Variants in RGSL1 observed in about 807,000 individuals in gnomAD.
RGSL1 encodes regulator of G protein signaling protein-like.
In RGSL1, 97 loss-of-function variants were observed where a neutral mutation model predicts 124.7. The ratio of observed to expected loss-of-function variants is 0.78; its 90% CI spans 0.66 to 0.92. The LOEUF (loss-of-function observed/expected upper bound fraction) is 0.92, where lower values mean the gene tolerates loss of function less well. Among genes scored for constraint, RGSL1 ranks in the 40% least tolerant of loss-of-function variants. The pLI is 0.00. For missense variants in RGSL1, 1,233 were observed against 1,288.4 expected (o/e 0.96, Z 0.66); for synonymous variants, 424 against 438.1 (o/e 0.97, Z 0.40).
At position 182,540,277 on chromosome 1, in the gene RGSL1, G is replaced by A. The variant is rs780175732; in HGVS notation, c.2525G>A (p.Arg842His). 7.7e-6 allele frequency: 12 copies of A among 1,550,912 alleles called. No homozygotes were observed. The highest frequency in any genetic ancestry group is 1.7e-4 in the Middle Eastern group (1 of 5,988). The change falls in exon 15 of 22, where the codon CGT becomes CAT. Residue 842 changes from arginine to histidine, a missense_variant. Transcript: ENST00000294854. ...NFTTAHNTSG[R>H]SAPPSTNVRS... ...ACCACAGCACACAACACATCGGGACGTTCAGCTCCACCCTCCACAAATGTC... is the reference window on the plus strand; with the variant it reads ...ACCACAGCACACAACACATCGGGACATTCAGCTCCACCCTCCACAAATGTC...
At chr1:182,534,492 C>A (rs1044274833) in intron 14 of RGSL1, among the ~76,000 whole-genome samples, 9 of 152,012 alleles carry the variant, frequency 5.9e-5, no homozygotes, top group African/African-American at 2.2e-4. Flanking sequence ...TTTGTATTAT[C>A]TTTTATGAAC....
chr1:182,551,712 C>T (rs187710333), intron 18 of RGSL1, among the ~76,000 whole-genome samples: 395 of 150,756 alleles, frequency 2.6e-3, no homozygotes, highest in African/African-American at 8.4e-3. Context: ...TGTAAAAATT[C>T]GTAAAAAATA....
intron 9 of RGSL1, among the ~76,000 whole-genome samples, chr1:182,515,540 TAA>T (rs1418362559): frequency 1.5e-3 from 53 of 35,600 alleles, no homozygotes; most frequent in African/African-American, 5.4e-3. Flanking sequence ...CAGTTTAAAG[TAA>T]AAAAAAAAAA....
At chr1:182,454,159 T>A in intron 2 of RGSL1, 119 bp downstream of exon 2, 1 of 647,540 alleles carries the variant, frequency 1.5e-6, no homozygotes, top group Non-Finnish European at 2.7e-6. Flanking sequence ...AAATGTCTTC[T>A]TAAATAAAAA....
intron 6 of RGSL1, among the ~76,000 whole-genome samples, chr1:182,478,667 A>C (rs1423307945): frequency 1.3e-5 from 2 of 152,186 alleles, no homozygotes; most frequent in African/African-American, 4.8e-5. Context: ...AGGGATAGAA[A>C]GCTTATTTAA....
intron 14 of RGSL1, among the ~76,000 whole-genome samples, chr1:182,536,650 C>T (rs266527): frequency 0.39 from 58,646 of 152,066 alleles, 12,880 homozygotes; most frequent in Non-Finnish European, 0.5. Context: ...GAGGTTTTAA[C>T]GGACTCACAG....
chr1:182,487,466 G>C (rs1256326059), intron 6 of RGSL1, among the ~76,000 whole-genome samples: 1 of 152,104 alleles, frequency 6.6e-6, no homozygotes, highest in African/African-American at 2.4e-5. Flanking sequence ...TTCCTATCCC[G>C]ATGCCTTTGC....
chr1:182,488,255 C>T (rs1360973595), intron 6 of RGSL1, 30 bp from the exon 7 acceptor site: 1 of 1,548,522 alleles, frequency 6.5e-7, no homozygotes, highest in African/African-American at 1.4e-5. Flanking sequence ...CCATCCACCT[C>T]ATAATGCATA....
chr1:182,465,660 A>C (rs1441569659), intron 4 of RGSL1, among the ~76,000 whole-genome samples: 1 of 152,140 alleles, frequency 6.6e-6, no homozygotes, highest in Non-Finnish European at 1.5e-5. Context: ...AGAGATTAAA[A>C]CAGTAATCTA....
chr1:182,549,033 TGA>T lies in RGSL1; in HGVS notation c.2933+213_2933+214del, dbSNP rs529470916. ...CCACAGATGGAAGGCAGAGTAAGAC[TGA>T]GAGCCAAACGCCTGGTTTCCCACCC... On this transcript the variant is annotated intron_variant, in intron 17 of 21. Coordinates refer to ENST00000294854, the MANE Select transcript of RGSL1 (RefSeq NM_001137669.2). The T allele has an allele frequency of 1.6e-4, 84 of 530,966 alleles. No homozygotes were observed. In the East Asian group the frequency reaches 3.1e-3, roughly 20 times the overall value. 32.9% of individuals were successfully genotyped at this position (530,966 alleles called of 1,614,324 possible). A position where few individuals can be genotyped will look rare whatever the true frequency, so the allele number is the denominator to read the frequency against.
intron 4 of RGSL1, among the ~76,000 whole-genome samples, chr1:182,470,534 C>T (rs891742191): frequency 2.6e-5 from 4 of 152,158 alleles, no homozygotes; most frequent in African/African-American, 9.7e-5. Context: ...ACCTCCTCAA[C>T]CCTTTGTACA....
chr1:182,488,602 T>C lies in RGSL1; in HGVS notation c.1494+255T>C, dbSNP rs1655276089. 9.5e-6 allele frequency: 4 copies of C among 419,708 alleles called. No homozygotes were observed. The South Asian group carries it at 9.8e-5, about 10-fold the overall frequency. The allele number at this position is 419,708 out of a possible 1,614,324, so 26.0% of individuals were successfully genotyped here. A position where few individuals can be genotyped will look rare whatever the true frequency, so the allele number is the denominator to read the frequency against. On this transcript the variant is annotated intron_variant, in intron 7 of 21. Coordinates refer to ENST00000294854, the MANE Select transcript of RGSL1 (RefSeq NM_001137669.2). Reference sequence around the variant, plus strand: ...TTAGCCGGGCGTAGTGGCGGGCGCCTGTAGTCCCAGCTACTTGGGAGGCTG... The same window carrying C: ...TTAGCCGGGCGTAGTGGCGGGCGCCCGTAGTCCCAGCTACTTGGGAGGCTG...
chr1:182,459,618 T>C (rs1473224200), intron 3 of RGSL1, among the ~76,000 whole-genome samples: 3 of 152,248 alleles, frequency 2.0e-5, no homozygotes, highest in Non-Finnish European at 2.9e-5. Context: ...TTAGAAATTA[T>C]GAGTGTGTTT....
chr1:182,542,254 G>T (rs1397855620), intron 15 of RGSL1, among the ~76,000 whole-genome samples: 1 of 152,126 alleles, frequency 6.6e-6, no homozygotes, highest in African/African-American at 2.4e-5. Context: ...GTGAGAGATA[G>T]GTGTCTGGTT....
chr1:182,501,056 C>G (rs984268640), intron 9 of RGSL1, among the ~76,000 whole-genome samples: 4 of 152,100 alleles, frequency 2.6e-5, no homozygotes, highest in African/African-American at 9.7e-5. Flanking sequence ...AGAAGGCATG[C>G]TTGTCTTCTT....
intron 21 of RGSL1, among the ~76,000 whole-genome samples, chr1:182,557,676 T>C (rs953191532): frequency 6.6e-6 from 1 of 152,220 alleles, no homozygotes; most frequent in African/African-American, 2.4e-5. Context: ...ACATTCACCA[T>C]GGTTATACTC....
At chr1:182,460,868 G>T (rs970214465) in intron 4 of RGSL1, 2 of 387,524 alleles carry the variant, frequency 5.2e-6, no homozygotes, top group African/African-American at 4.2e-5. Flanking sequence ...CACAGTGGCA[G>T]CTACTTACCC....
At chr1:182,498,897 A>T (rs1333422198) in intron 9 of RGSL1, among the ~76,000 whole-genome samples, 5 of 151,318 alleles carry the variant, frequency 3.3e-5, no homozygotes, top group African/African-American at 1.2e-4. Flanking sequence ...GGTTCAAGCG[A>T]TTCTCCTGCC....
intron 9 of RGSL1, among the ~76,000 whole-genome samples, chr1:182,497,475 A>G (rs1265548832): frequency 6.6e-6 from 1 of 151,910 alleles, no homozygotes; most frequent in Non-Finnish European, 1.5e-5. Context: ...TTATAGAAAA[A>G]AAAGTACAGG....
Sources: allele counts gnomAD v4.1 joint callset (sites outside exome capture counted in the v4.1 genomes callset), GRCh38; gene constraint gnomAD v4.1.1; transcripts MANE v1.5; gene names NCBI Gene and HGNC (gene_info 2026-07-23, HGNC 2026-07-21).